CSMD3: variants seen among roughly 807,000 people sequenced by gnomAD.
CSMD3 encodes the protein CUB and sushi domain-containing protein 3.
A neutral mutation model predicts 435.2 loss-of-function variants in CSMD3; 177 were observed. The observed-to-expected ratio is 0.41, with a 90% CI of 0.36 to 0.46. The LOEUF (loss-of-function observed/expected upper bound fraction) is 0.46, where lower values mean the gene tolerates loss of function less well. Ranked by LOEUF, CSMD3 falls within the 20% of genes least tolerant of loss-of-function variation. The pLI is 0.34. For synonymous variants in CSMD3, 1,656 were observed against 1,520.5 expected (o/e 1.09, Z -2.07); for missense variants, 4,265 against 4,504.6 (o/e 0.95, Z 1.52).
At chr8:113,397,838 A>C (rs916716475) in intron 1 of CSMD3, among the ~76,000 whole-genome samples, 1 of 146,912 alleles carries the variant, frequency 6.8e-6, no homozygotes, top group East Asian at 2.0e-4. Context: ...ATAAATAAAT[A>C]AATAAATAAA....
rs575676590 is a variant in CSMD3, at chr8:112,291,382, A to T, written c.8974+128T>A. The T allele has an allele frequency of 3.3e-5, 24 of 721,338 alleles. No individual in the cohort carries two copies. The South Asian group carries it at 4.2e-4, about 13-fold the overall frequency. The allele number at this position is 721,338 out of a possible 1,614,324, so 44.7% of individuals were successfully genotyped here. A position where few individuals can be genotyped will look rare whatever the true frequency, so the allele number is the denominator to read the frequency against. ...AAAATATAGAAAAGTATAATTTCAA[A>T]ACAGTAAAACAATAAAATCAATATG... On this transcript the variant is annotated intron_variant, in intron 56 of 70. Transcript: ENST00000297405.
intron 32 of CSMD3, among the ~76,000 whole-genome samples, chr8:112,451,828 G>A (rs1231346162): frequency 6.6e-6 from 1 of 152,170 alleles, no homozygotes; most frequent in Non-Finnish European, 1.5e-5. Flanking sequence ...ATGAGCCACA[G>A]CGCCTGGCCC....
rs552072322 is a variant in CSMD3, at chr8:113,226,641, T to C, written c.514+51951A>G. Among the ~76,000 whole-genome samples, 63 of 151,648 alleles carry C rather than the reference T, an allele frequency of 4.2e-4. 1 individual carries two copies. In the South Asian group the frequency reaches 0.012, roughly 29 times the overall value. Reference sequence around the variant, plus strand: ...GTTGTTAGAAACGATGAAGTTAGTGTTGCTTCTTGATTGTCAACACATATT... The same window carrying C: ...GTTGTTAGAAACGATGAAGTTAGTGCTGCTTCTTGATTGTCAACACATATT... On this transcript the variant is annotated intron_variant, in intron 3 of 70. Coordinates refer to ENST00000297405, the MANE Select transcript of CSMD3 (RefSeq NM_198123.2).
intron 66 of CSMD3, among the ~76,000 whole-genome samples, chr8:112,239,843 G>A (rs933675129): frequency 3.9e-5 from 6 of 152,078 alleles, no homozygotes; most frequent in African/African-American, 1.2e-4. Flanking sequence ...ATTTGGTTCT[G>A]TTGAGATTCT....
rs2075252049 is a variant in CSMD3, at chr8:112,656,141, T to A, written c.3004+13A>T. 1 of 1,447,056 alleles carries A rather than the reference T, an allele frequency of 6.9e-7. No homozygotes were observed. Among genetic ancestry groups the A allele is most frequent in the Admixed American group, 1.7e-5 (1 of 59,524 alleles). 89.6% of individuals were successfully genotyped at this position (1,447,056 alleles called of 1,614,324 possible). ...ACAGAATGAGGAAATCAAAAAGTTT[T>A]ATCATTACTTACTTTCATAATGAAT... On this transcript the variant is annotated intron_variant, in intron 18 of 70. Transcript: ENST00000297405.
rs1350957615 is a variant in CSMD3 at position 113,339,301 on chromosome 8, T to C, written c.179-24508A>G. On this transcript the variant is annotated intron_variant, in intron 1 of 70. Coordinates refer to ENST00000297405, the MANE Select transcript of CSMD3 (RefSeq NM_198123.2). ...GTCTCATTGTCTTTGAGTTAGAAAA[T>C]ACAAATTTAAATAAGTACATCAAAA... is the stretch of plus-strand genomic sequence containing the variant. Among the ~76,000 whole-genome samples, 5 of 151,884 alleles carry C rather than the reference T, an allele frequency of 3.3e-5. No homozygotes were observed. The East Asian group carries it at 9.6e-4, about 29-fold the overall frequency.
chr8:112,689,722 G>A, intron 14 of CSMD3, 146 bp downstream of exon 14: 1 of 656,086 alleles, frequency 1.5e-6, no homozygotes. Context: ...TTTGGCATAA[G>A]CACACTTGTT....
intron 3 of CSMD3, among the ~76,000 whole-genome samples, chr8:113,210,988 G>A (rs556813839): frequency 3.3e-5 from 5 of 152,050 alleles, no homozygotes; most frequent in Non-Finnish European, 7.4e-5. Context: ...CCATGTCCAT[G>A]TTCTCTTTGT....
At chr8:112,903,572 T>C (rs1260763982) in intron 10 of CSMD3, among the ~76,000 whole-genome samples, 4 of 151,086 alleles carry the variant, frequency 2.6e-5, no homozygotes, top group African/African-American at 9.7e-5. Context: ...TTAATAATTT[T>C]TGTTTTTTCA....
chr8:112,991,892 C>T (rs547827518), intron 6 of CSMD3, among the ~76,000 whole-genome samples: 2 of 151,870 alleles, frequency 1.3e-5, no homozygotes, highest in Admixed American at 6.6e-5. Context: ...TTTCACACCA[C>T]CTCTTAGATG....
At chr8:112,924,172 C>G (rs2082836609) in intron 9 of CSMD3, among the ~76,000 whole-genome samples, 1 of 152,074 alleles carries the variant, frequency 6.6e-6, no homozygotes, top group Non-Finnish European at 1.5e-5. Context: ...CAAGTGAATA[C>G]TATGCTTTAA....
intron 22 of CSMD3, among the ~76,000 whole-genome samples, chr8:112,606,687 G>T (rs965117842): frequency 6.6e-6 from 1 of 152,222 alleles, no homozygotes; most frequent in African/African-American, 2.4e-5. Context: ...TTATACCAAG[G>T]ACCTTTTTCA....
chr8:113,182,530 A>C lies in CSMD3; in HGVS notation c.515-8614T>G, dbSNP rs1254254586. On this transcript the variant is annotated intron_variant, in intron 3 of 70. Transcript: ENST00000297405. ...GCTGCTGATGCTGCCAAAAAAAAAA[A>C]CAAAACAACAAAAACAAAAAAACAA... 2.7e-5 allele frequency among the ~76,000 whole-genome samples: 4 copies of C among 149,550 alleles called. No homozygotes were observed. The South Asian group carries it at 8.4e-4, about 32-fold the overall frequency.
At chr8:113,011,048 T>C (rs952992113) in intron 6 of CSMD3, among the ~76,000 whole-genome samples, 5 of 151,760 alleles carry the variant, frequency 3.3e-5, no homozygotes, top group African/African-American at 1.2e-4. Context: ...TTAATGTTTC[T>C]ACAACTACTC....
At chr8:112,869,980 T>C (rs750983187) in intron 10 of CSMD3, among the ~76,000 whole-genome samples, 2 of 152,156 alleles carry the variant, frequency 1.3e-5, no homozygotes, top group African/African-American at 2.4e-5. Context: ...CAAACCACCA[T>C]GGCACATGTA....
chr8:112,547,012 T>C (rs1206527838), intron 27 of CSMD3, among the ~76,000 whole-genome samples: 1 of 152,216 alleles, frequency 6.6e-6, no homozygotes, highest in Non-Finnish European at 1.5e-5. Flanking sequence ...TGATTTATTA[T>C]TTTTAATTAA....
intron 5 of CSMD3, among the ~76,000 whole-genome samples, chr8:113,050,554 A>G (rs2088041971): frequency 1.3e-5 from 2 of 152,116 alleles, no homozygotes; most frequent in Non-Finnish European, 2.9e-5. Flanking sequence ...TGATATAAAG[A>G]TCACACATGT....
At chr8:112,381,088 TA>T (rs1371300528) in intron 37 of CSMD3, among the ~76,000 whole-genome samples, 1 of 152,156 alleles carries the variant, frequency 6.6e-6, no homozygotes. Flanking sequence ...CTTTGCAAAG[TA>T]ACAACTTTTT....
intron 1 of CSMD3, among the ~76,000 whole-genome samples, chr8:113,368,126 CA>C (rs2133036153): frequency 6.6e-6 from 1 of 152,232 alleles, no homozygotes; most frequent in Admixed American, 6.5e-5. Context: ...TCTTTTCTCA[CA>C]TAATTTTGGC....
Sources: gnomAD v4.1 joint callset for allele counts (sites outside exome capture counted in the v4.1 genomes callset) on GRCh38, gnomAD v4.1.1 for gene constraint, MANE v1.5 for transcripts, NCBI Gene and HGNC (gene_info 2026-07-23, HGNC 2026-07-21) for gene names.